The following RGS10 variants were observed in gnomAD, a reference collection of about 807,000 sequenced individuals.
The protein encoded by RGS10 is regulator of G-protein signalling 10.
RGS10 carries 11 observed loss-of-function variants against 23.5 expected under a neutral mutation model. The ratio of observed to expected loss-of-function variants is 0.47; its 90% confidence interval spans 0.29 to 0.77. The LOEUF is 0.77. RGS10 is among the 30% of genes least tolerant of loss of function. The probability of loss-of-function intolerance (pLI) is 0.08; values close to 1 mark genes in which losing one functional copy is unlikely to be tolerated. For synonymous variants in RGS10, 77 were observed against 83.2 expected, an observed-to-expected ratio of 0.92 and a Z score of 0.41; for missense variants, 180 against 226.3, an observed-to-expected ratio of 0.80 and a Z score of 1.31.
chr10:119,542,154 T>C (rs1389313827), intron 1 of RGS10, among the ~76,000 whole-genome samples: 1 of 152,056 alleles, frequency 6.6e-6, no homozygotes, highest in Non-Finnish European at 1.5e-5. Flanking sequence ...AGGGGCCCAG[T>C]CGGATGCCCG....
chr10:119,527,451 T>G lies in RGS10; in HGVS notation c.50-27A>C, dbSNP rs1365020866. ...TGCAAAGCAAAGTTCAGACTGCATA[T>G]GTGGCCAACAGACACTGTCATTTTA... On this transcript the variant is annotated intron_variant, in intron 1 of 4. Coordinates refer to ENST00000369103, the MANE Select transcript of RGS10 (RefSeq NM_001005339.2). This position sits in a 1 kb window ranked among gnomAD's most constrained non-coding sequence, Gnocchi z 4.2. 2 of 1,548,444 alleles carry G rather than the reference T, an allele frequency of 1.3e-6. No individual in the cohort carries two copies. Among genetic ancestry groups the G allele is most frequent in the Non-Finnish European group, 1.8e-6 (2 of 1,120,242 alleles).
At chr10:119,542,569 C>T in intron 1 of RGS10, 21 bp downstream of exon 1, 1 of 1,395,424 alleles carries the variant, frequency 7.2e-7, no homozygotes, top group South Asian at 1.5e-5. Flanking sequence ...CCCGAGCCCG[C>T]GGGCCCCCGA....
intron 1 of RGS10, chr10:119,536,561 GCTC>G: frequency 6.4e-7 from 1 of 1,556,754 alleles, no homozygotes; most frequent in Non-Finnish European, 8.7e-7. Context: ...AGACTGGAGG[GCTC>G]CCGAGCACCC....
At chr10:119,534,632 T>C (rs1475427746) in intron 1 of RGS10, among the ~76,000 whole-genome samples, 1 of 139,252 alleles carries the variant, frequency 7.2e-6, no homozygotes, top group Admixed American at 7.7e-5. Context: ...GGCTCACGCC[T>C]GTAATCCCAG....
At position 119,510,003 on chromosome 10, in the gene RGS10, A is replaced by G. The variant is rs575356269; in HGVS notation, c.399+5506T>C. 7.3e-4 allele frequency among the ~76,000 whole-genome samples: 111 copies of G among 152,232 alleles called. No individual in the cohort carries two copies. In the Middle Eastern group the frequency reaches 0.01, roughly 14 times the overall value. ...AGAGCTCAGGCCACTCCCACTCACC[A>G]TACAAATGGTGAGCCACAGTCAGGA... On this transcript the variant is annotated intron_variant, in intron 4 of 4. Transcript: ENST00000369103.
rs1393096912 is a variant in RGS10, at chr10:119,512,367, G to C, written c.399+3142C>G. Among the ~76,000 whole-genome samples, 3 of 152,120 alleles carry C rather than the reference G, an allele frequency of 2.0e-5. No individual in the cohort carries two copies. The East Asian group carries it at 5.8e-4, about 29-fold the overall frequency. ...CAAGAAAAAAACCGGGGCTAATGCT[G>C]AGCACGCATTTTGACAGTTACAGCA... On this transcript the variant is annotated intron_variant, in intron 4 of 4. Coordinates refer to ENST00000369103, the MANE Select transcript of RGS10 (RefSeq NM_001005339.2).
chr10:119,540,145 C>A (rs1163006695), intron 1 of RGS10, among the ~76,000 whole-genome samples: 2 of 151,958 alleles, frequency 1.3e-5, no homozygotes, highest in African/African-American at 2.4e-5. Context: ...CCTACACCTA[C>A]AATTCCAAAG....
chr10:119,511,812 G>A (rs1199460737), intron 4 of RGS10, among the ~76,000 whole-genome samples: 1 of 152,014 alleles, frequency 6.6e-6, no homozygotes, highest in Non-Finnish European at 1.5e-5. Flanking sequence ...CTCAGGCCTC[G>A]GTGCTGTGCT....
rs189918112 is a variant in RGS10 at position 119,518,895 on chromosome 10, G to A, written c.256-3243C>T. Among the ~76,000 whole-genome samples, 372 of 152,128 alleles carry A rather than the reference G, an allele frequency of 2.4e-3. 3 individuals are homozygous for A. Among genetic ancestry groups the A allele is most frequent in the African/African-American group, 8.3e-3 (343 of 41,486 alleles). ...AATTTTTTGTATTTTTAGTAGAGAC[G>A]GGGTTTCACCATGTTGGCCAGGCTG... On this transcript the variant is annotated intron_variant, in intron 3 of 4. Coordinates refer to ENST00000369103, the MANE Select transcript of RGS10 (RefSeq NM_001005339.2).
rs1193815008 is a variant in RGS10, at chr10:119,526,014, T to C, written c.255+18A>G. 6.9e-7 allele frequency: 1 copy of C among 1,441,752 alleles called. No individual in the cohort carries two copies. The highest frequency in any genetic ancestry group is 9.5e-7 in the Non-Finnish European group (1 of 1,052,442). 89.3% of individuals were successfully genotyped at this position (1,441,752 alleles called of 1,614,324 possible). On this transcript the variant is annotated intron_variant, in intron 3 of 4. Transcript: ENST00000369103. ...GTAACTTTATAAGGGAAAAAAATTA[T>C]CAGAGTGGAGGAAATACCTGCGTCT...
At chr10:119,529,408 C>T (rs548483341) in intron 1 of RGS10, among the ~76,000 whole-genome samples, 6 of 151,902 alleles carry the variant, frequency 3.9e-5, no homozygotes, top group African/African-American at 1.2e-4. Flanking sequence ...GAGCCAAGAT[C>T]GTGCCACTGC....
intron 1 of RGS10, among the ~76,000 whole-genome samples, chr10:119,540,671 C>T (rs1033766659): frequency 5.3e-5 from 8 of 152,198 alleles, no homozygotes; most frequent in Admixed American, 2.0e-4. Context: ...CCTGGCTACA[C>T]GCAAAATCAC....
In RGS10 at chr10:119,524,515, G is replaced by A. The variant is rs1334428867; in HGVS notation, c.255+1517C>T. Among the ~76,000 whole-genome samples, 1 of 152,158 alleles carries A rather than the reference G, an allele frequency of 6.6e-6. No individual in the cohort carries two copies. The highest frequency in any genetic ancestry group is 1.5e-5 in the Non-Finnish European group (1 of 68,036). ...CTAGGATTTTATGGTGAGGCTGGTC[G>A]CAGCGGTGGCACAGTCTAGCATTTA... On this transcript the variant is annotated intron_variant, in intron 3 of 4. Transcript: ENST00000369103. This position sits in a 1 kb window ranked among gnomAD's most constrained non-coding sequence, Gnocchi z 5.2.
intron 1 of RGS10, among the ~76,000 whole-genome samples, chr10:119,533,702 A>C (rs1426976681): frequency 6.6e-6 from 1 of 152,166 alleles, no homozygotes; most frequent in Non-Finnish European, 1.5e-5. Context: ...CAGCTTTACG[A>C]TCTCTCCAGC....
intron 1 of RGS10, among the ~76,000 whole-genome samples, chr10:119,530,700 C>T (rs1456187407): frequency 1.3e-5 from 2 of 152,190 alleles, no homozygotes; most frequent in African/African-American, 2.4e-5. Flanking sequence ...TGGCATGTGC[C>T]TTTAGTCCCA....
chr10:119,526,434 C>T (rs1351591309), intron 2 of RGS10, among the ~76,000 whole-genome samples: 2 of 152,206 alleles, frequency 1.3e-5, no homozygotes, highest in Non-Finnish European at 2.9e-5. Flanking sequence ...TCCTTCCAGA[C>T]AGTGTTTAAA....
At chr10:119,529,028 A>G (rs887663285) in intron 1 of RGS10, among the ~76,000 whole-genome samples, 1 of 152,092 alleles carries the variant, frequency 6.6e-6, no homozygotes, top group Non-Finnish European at 1.5e-5. Flanking sequence ...GGAATCTCCA[A>G]ATAACACACT....
chr10:119,508,344 T>C (rs1293436842), intron 4 of RGS10, among the ~76,000 whole-genome samples: 5 of 152,152 alleles, frequency 3.3e-5, no homozygotes, highest in Admixed American at 3.3e-4. Flanking sequence ...CTGATATTCA[T>C]GGAAGAAGAA....
At chr10:119,506,849 T>A (rs1844019669) in intron 4 of RGS10, among the ~76,000 whole-genome samples, 1 of 152,112 alleles carries the variant, frequency 6.6e-6, no homozygotes, top group African/African-American at 2.4e-5. Flanking sequence ...TACAGGCACG[T>A]GCCACCACAC....
Sources: gnomAD v4.1 joint callset for allele counts (sites outside exome capture counted in the v4.1 genomes callset) on GRCh38, gnomAD v4.1.1 for gene constraint, Gnocchi (gnomAD v3.1) non-coding constraint, MANE v1.5 for transcripts, NCBI Gene and HGNC (gene_info 2026-07-23, HGNC 2026-07-21) for gene names.